DCLK1: variants seen among roughly 807,000 people sequenced by gnomAD.
DCLK1 encodes the protein serine/threonine-protein kinase DCLK1.
In DCLK1, 16 loss-of-function variants were observed where a neutral mutation model predicts 86.2. That is an observed-to-expected ratio of 0.19 (90% CI 0.13 to 0.28). The LOEUF (loss-of-function observed/expected upper bound fraction) is 0.28, where lower values mean the gene tolerates loss of function less well. Among genes scored for constraint, DCLK1 ranks in the 10% least tolerant of loss-of-function variants. DCLK1 has a pLI of 1.00. For synonymous variants in DCLK1, 369 were observed against 370.5 expected (o/e 1.00, Z 0.05); for missense variants, 590 against 940.2 (o/e 0.63, Z 4.87).
intron 4 of DCLK1, among the ~76,000 whole-genome samples, chr13:35,945,269 T>C (rs889864288): frequency 3.9e-5 from 6 of 152,206 alleles, no homozygotes; most frequent in Non-Finnish European, 5.9e-5. Flanking sequence ...TACTCTATTA[T>C]GGAATTTCTG....
intron 16 of DCLK1, among the ~76,000 whole-genome samples, chr13:35,776,185 G>A (rs1353357465): frequency 2.0e-5 from 3 of 152,070 alleles, no homozygotes; most frequent in Non-Finnish European, 4.4e-5. Context: ...TTGATTTTAT[G>A]ATATTTTCAG....
At chr13:35,993,023 C>T (rs1250093879) in intron 3 of DCLK1, among the ~76,000 whole-genome samples, 1 of 152,194 alleles carries the variant, frequency 6.6e-6, no homozygotes, top group East Asian at 1.9e-4. Context: ...AAGATTTTCA[C>T]ATCCTGGTCC....
chr13:36,034,848 C>T (rs1339692211), intron 3 of DCLK1, among the ~76,000 whole-genome samples: 1 of 152,136 alleles, frequency 6.6e-6, no homozygotes, highest in Admixed American at 6.5e-5. Flanking sequence ...GCACACGCCG[C>T]CTCTTCCCAT....
intron 4 of DCLK1, among the ~76,000 whole-genome samples, chr13:35,905,854 G>C (rs574856877): frequency 6.6e-6 from 1 of 152,088 alleles, no homozygotes; most frequent in East Asian, 1.9e-4. Context: ...AAAAAAGACT[G>C]CCAGGGCGAG....
intron 3 of DCLK1, among the ~76,000 whole-genome samples, chr13:35,958,169 C>CACCACCACCACCACTATA (rs1295385522): frequency 1.4e-5 from 2 of 139,736 alleles, no homozygotes; most frequent in African/African-American, 5.5e-5. Context: ...CCATCACCAC[C>CACCACCACCACCACTATA]ATCACCACTA....
chr13:35,902,143 A>G (rs1170002622), intron 4 of DCLK1, among the ~76,000 whole-genome samples: 4 of 152,232 alleles, frequency 2.6e-5, no homozygotes, highest in Non-Finnish European at 4.4e-5. Flanking sequence ...AAGTTAACCA[A>G]TGAGCCCTAT....
intron 10 of DCLK1, among the ~76,000 whole-genome samples, chr13:35,826,566 G>GGAAGGAAGGAAGGAAGGAAGGAAGGAA (rs1868483930): frequency 7.2e-6 from 1 of 138,638 alleles, no homozygotes; most frequent in African/African-American, 2.6e-5. Context: ...AAAGAAACAA[G>GGAAGGAAGGAAGGAAGGAAGGAAGGAA]TCCTAATTTG....
intron 5 of DCLK1, among the ~76,000 whole-genome samples, chr13:35,860,321 G>T (rs1871308943): frequency 6.6e-6 from 1 of 151,798 alleles, no homozygotes; most frequent in African/African-American, 2.4e-5. Flanking sequence ...GCAGGGGGTG[G>T]GGGGTGCATA....
At chr13:35,912,490 C>T (rs1021821370) in intron 4 of DCLK1, among the ~76,000 whole-genome samples, 8 of 152,094 alleles carry the variant, frequency 5.3e-5, no homozygotes, top group Non-Finnish European at 7.4e-5. Flanking sequence ...AAAGATGATT[C>T]GACTTCAGTG....
At chr13:35,983,480 G>A (rs1281071198) in intron 3 of DCLK1, among the ~76,000 whole-genome samples, 1 of 152,150 alleles carries the variant, frequency 6.6e-6, no homozygotes. Context: ...GCTCAGTGGG[G>A]ACTCCTGGGC....
intron 1 of DCLK1, among the ~76,000 whole-genome samples, chr13:36,127,448 T>C (rs1886226073): frequency 6.6e-6 from 1 of 152,198 alleles, no homozygotes; most frequent in Non-Finnish European, 1.5e-5. Context: ...CTTGACCCCA[T>C]GCTAGCTGTG....
intron 4 of DCLK1, among the ~76,000 whole-genome samples, chr13:35,934,370 T>C (rs1188310325): frequency 6.6e-6 from 1 of 152,190 alleles, no homozygotes; most frequent in Non-Finnish European, 1.5e-5. Context: ...CTGATGAAGA[T>C]ATACCCGAGA....
At chr13:35,945,907 C>A (rs1877356062) in intron 4 of DCLK1, among the ~76,000 whole-genome samples, 1 of 152,122 alleles carries the variant, frequency 6.6e-6, no homozygotes, top group African/African-American at 2.4e-5. Context: ...GTCCTTGAAC[C>A]AAAATAAATC....
rs73520109 is a variant in DCLK1 at position 35,975,268 on chromosome 13, T to C, written c.724-27811A>G. ...AGGCTTGGGCAGGAAAAAACACTTA[T>C]GACCTGTTCTGGAGAACCAGAGATG... On this transcript the variant is annotated intron_variant, in intron 3 of 16. Transcript: ENST00000360631. Among the ~76,000 whole-genome samples, 1,486 of 152,296 alleles carry C rather than the reference T, an allele frequency of 9.8e-3. 14 individuals are homozygous for C. Among genetic ancestry groups the C allele is most frequent in the African/African-American group, 0.033 (1,386 of 41,572 alleles).
At chr13:36,013,836 G>A (rs186813880) in intron 3 of DCLK1, among the ~76,000 whole-genome samples, 10,384 of 152,202 alleles carry the variant, frequency 0.068, 425 homozygotes, top group African/African-American at 0.12. Flanking sequence ...CCTCTCTGCC[G>A]CCTTGCAGTT....
intron 4 of DCLK1, among the ~76,000 whole-genome samples, chr13:35,876,149 A>C (rs1055446815): frequency 1.3e-5 from 2 of 152,230 alleles, no homozygotes; most frequent in Admixed American, 6.5e-5. Flanking sequence ...TCAAATGTTT[A>C]GTATATCAGA....
Position 35,910,341 on chromosome 13 carries a change from G to A in DCLK1, c.823+37017C>T, listed in dbSNP as rs147192937. On this transcript the variant is annotated intron_variant, in intron 4 of 16. Transcript: ENST00000360631. The stretch of plus-strand genomic sequence containing the variant: ...GCCTCTACAGGAGATGAATGAAAGT[G>A]CATAGAAGACAAAAGAATGTGATAA... Among the ~76,000 whole-genome samples the A allele has an allele frequency of 7.9e-5, 12 of 152,304 alleles. No individual in the cohort carries two copies. In the East Asian group the frequency reaches 2.3e-3, roughly 29 times the overall value.
chr13:36,024,296 ACT>A (rs201890324), intron 3 of DCLK1, among the ~76,000 whole-genome samples: 2,026 of 151,912 alleles, frequency 0.013, 63 homozygotes, highest in African/African-American at 0.046. Flanking sequence ...AAGAAATAAA[ACT>A]CTCTATTTTC....
chr13:36,007,421 T>G (rs555550334), intron 3 of DCLK1, among the ~76,000 whole-genome samples: 1 of 152,194 alleles, frequency 6.6e-6, no homozygotes, highest in Non-Finnish European at 1.5e-5. Context: ...AGTCTTGAAT[T>G]TGCAAAATCT....
Sources: gnomAD v4.1 joint callset for allele counts (sites outside exome capture counted in the v4.1 genomes callset) on GRCh38, gnomAD v4.1.1 for gene constraint, MANE v1.5 for transcripts, NCBI Gene and HGNC (gene_info 2026-07-23, HGNC 2026-07-21) for gene names.